Variants in RMDN1 observed in about 807,000 individuals in gnomAD.
RMDN1 encodes regulator of microtubule dynamics 1.
A neutral mutation model predicts 48.9 loss-of-function variants in RMDN1; 48 were observed. The observed-to-expected ratio is 0.98, with a 90% CI of 0.78 to 1.25. The LOEUF is 1.25. Among genes scored for constraint, RMDN1 ranks in the 50% most tolerant of loss-of-function variants. The probability of loss-of-function intolerance (pLI) is 0.00; values close to 1 mark genes in which losing one functional copy is unlikely to be tolerated. For synonymous variants in RMDN1, 148 were observed against 132.6 expected (o/e 1.12, Z -0.80); for missense variants, 418 against 373.4 (o/e 1.12, Z -0.98).
rs1024768427 is a variant in RMDN1, at chr8:86,473,200, G to C, written c.*1108C>G. 29 of 981,942 alleles carry C rather than the reference G, an allele frequency of 3.0e-5. No individual in the cohort carries two copies. The highest frequency in any genetic ancestry group is 3.4e-5 in the Non-Finnish European group (28 of 829,772). The allele number at this position is 981,942 out of a possible 1,614,324, so 60.8% of individuals were successfully genotyped here. The stretch of plus-strand genomic sequence containing the variant: ...GACAAACATATCCATACAGTTCATT[G>C]TAACATTACAATTCCCAAATCCTTT... On this transcript the variant is annotated 3_prime_UTR_variant, in exon 10 of 10. Coordinates refer to ENST00000406452, the MANE Select transcript of RMDN1 (RefSeq NM_016033.3).
At chr8:86,510,988 GTT>G (rs147566937), upstream of RMDN1, among the ~76,000 whole-genome samples, 40,160 of 151,696 alleles carry the variant, frequency 0.26, 6,205 homozygotes, top group East Asian at 0.53. Context: ...GTTGTTGTTT[GTT>G]TTTTGTTTTT....
Position 86,476,862 on chromosome 8 carries a change from AT to A in RMDN1, c.760+431del, listed in dbSNP as rs1013213484. Among the ~76,000 whole-genome samples the A allele has an allele frequency of 3.7e-4, 56 of 151,954 alleles. 2 individuals carry two copies. Among genetic ancestry groups the A allele is most frequent in the Admixed American group, 3.4e-3 (52 of 15,270 alleles). ...AGGTGTGTGCTACCACACCTGGCTA[AT>A]TTTTATTTTTATTTTTTGGTAGAGA... On this transcript the variant is annotated intron_variant, in intron 8 of 9. Transcript: ENST00000406452.
intron 2 of RMDN1, among the ~76,000 whole-genome samples, chr8:86,502,537 T>C (rs1818427486): frequency 6.6e-6 from 1 of 152,232 alleles, no homozygotes; most frequent in Non-Finnish European, 1.5e-5. Context: ...TGAGCCGCCA[T>C]GCCCAGCCAA....
At chr8:86,482,627 C>T (rs1373505698) in intron 5 of RMDN1, 17 of 770,204 alleles carry the variant, frequency 2.2e-5, no homozygotes, top group Middle Eastern at 2.8e-4. Flanking sequence ...AAGCCTCCCA[C>T]GAGGTATACT....
chr8:86,506,777 C>A (rs1212894040), intron 2 of RMDN1, among the ~76,000 whole-genome samples: 1 of 152,120 alleles, frequency 6.6e-6, no homozygotes, highest in African/African-American at 2.4e-5. Context: ...GAAAAGGTGA[C>A]CTTCTTCCAA....
chr8:86,469,429 T>TG (rs993912007), downstream of RMDN1, among the ~76,000 whole-genome samples: 43 of 151,864 alleles, frequency 2.8e-4, no homozygotes, highest in Non-Finnish European at 1.2e-4. Flanking sequence ...CATACCTGAG[T>TG]GGAAAACTCT....
At position 86,477,305 on chromosome 8, in the gene RMDN1, C is replaced by A; in HGVS notation, c.749G>T (p.Arg250Met). ...TYEKALGYFH[R>M]AEQVDPNFYS... The stretch of plus-strand genomic sequence containing the variant: ...CAAAAATACCTTACCTTGTTCTGCC[C>A]TGTGAAAGTAGCCTAAGGCCTGTCA... The change falls in exon 8 of 10, where the codon AGG becomes ATG. Residue 250 changes from arginine to methionine, a missense_variant. Transcript: ENST00000406452. 6.2e-7 allele frequency: 1 copy of A among 1,601,920 alleles called. No homozygotes were observed. Among genetic ancestry groups the A allele is most frequent in the Non-Finnish European group, 8.5e-7 (1 of 1,174,252 alleles).
intron 2 of RMDN1, chr8:86,494,924 A>C (rs1221469717): frequency 2.3e-6 from 1 of 438,902 alleles, no homozygotes; most frequent in Admixed American, 2.6e-5. Context: ...CAGTGAGCTG[A>C]GATCGCACCT....
chr8:86,477,643 C>T (rs555225183), intron 7 of RMDN1, among the ~76,000 whole-genome samples: 2 of 152,280 alleles, frequency 1.3e-5, no homozygotes, highest in South Asian at 2.1e-4. Flanking sequence ...TCTCTTAAAT[C>T]ATAACTAGTG....
At chr8:86,505,704 G>T (rs1819208723) in intron 2 of RMDN1, among the ~76,000 whole-genome samples, 1 of 152,184 alleles carries the variant, frequency 6.6e-6, no homozygotes, top group African/African-American at 2.4e-5. Context: ...GAGATTGGAG[G>T]GAGGTGTTTA....
intron 7 of RMDN1, chr8:86,477,578 A>C: frequency 2.9e-6 from 1 of 344,948 alleles, no homozygotes; most frequent in Non-Finnish European, 5.2e-6. Context: ...CCAAACTAAC[A>C]TCATGTGCAG....
At chr8:86,480,360 T>C in intron 5 of RMDN1, 28 bp from the exon 6 acceptor site, 2 of 1,336,644 alleles carry the variant, frequency 1.5e-6, no homozygotes, top group Admixed American at 2.2e-5. Context: ...AAATAAATCA[T>C]ATTTGTTTTC....
At chr8:86,481,376 A>G (rs1372875644) in intron 5 of RMDN1, among the ~76,000 whole-genome samples, 1 of 152,162 alleles carries the variant, frequency 6.6e-6, no homozygotes, top group Admixed American at 6.5e-5. Flanking sequence ...TTATGCTCTA[A>G]GCAACCTTTC....
Position 86,503,844 on chromosome 8 carries a change from C to A in RMDN1, c.247+3151G>T, listed in dbSNP as rs1029256208. 5.1e-6 allele frequency: 3 copies of A among 588,536 alleles called. No homozygotes were observed. In the African/African-American group the frequency reaches 5.6e-5, roughly 11 times the overall value. The allele number at this position is 588,536 out of a possible 1,614,324, so 36.5% of individuals were successfully genotyped here. ...AGACTCTTTATCAACCACTTTTTGA[C>A]AGGTGCAATTCAATGCTTATCGTCA... is the stretch of plus-strand genomic sequence containing the variant. On this transcript the variant is annotated intron_variant, in intron 2 of 9. Transcript: ENST00000406452.
Position 86,472,654 on chromosome 8 carries a change from CAT to C in RMDN1, c.*1652_*1653del, listed in dbSNP as rs1287700961. ...TTTTTTCACTGTATCAGTGGTGTGT[CAT>C]ATTTTTTTTTTTGCCATCCTTGTTC... On this transcript the variant is annotated 3_prime_UTR_variant, in exon 10 of 10. Coordinates refer to ENST00000406452, the MANE Select transcript of RMDN1 (RefSeq NM_016033.3). The C allele has an allele frequency of 3.6e-6, 2 of 558,504 alleles. No homozygotes were observed. Among genetic ancestry groups the C allele is most frequent in the Non-Finnish European group, 6.3e-6 (2 of 317,006 alleles). The allele number at this position is 558,504 out of a possible 1,614,324, so 34.6% of individuals were successfully genotyped here.
At chr8:86,509,078 G>C (rs377703027), upstream of RMDN1, among the ~76,000 whole-genome samples, 5 of 152,110 alleles carry the variant, frequency 3.3e-5, no homozygotes. Flanking sequence ...GGTCTTTTTT[G>C]GAAGTAAATA....
rs1819790708 is a variant in RMDN1 at position 86,508,551 on chromosome 8, G to A, written c.70C>T (p.Pro24Ser). The change falls in exon 1 of 10, where the codon CCT (proline) becomes TCT (serine). Residue 24 changes from proline to serine, a missense_variant. Coordinates refer to ENST00000406452, the MANE Select transcript of RMDN1 (RefSeq NM_016033.3). ...CCGCGGCTGCCCGAAGTCCCCGCAG[G>A]GAGACGAGACCCCGGGGCGGCTCCA... ...RRGAAPGSRL[P>S]AGTSGSRGHC... The A allele has an allele frequency of 1.3e-6, 2 of 1,593,980 alleles. No individual in the cohort carries two copies. The highest frequency in any genetic ancestry group is 2.3e-5 in the East Asian group (1 of 44,070).
chr8:86,512,733 T>C (rs547677207), upstream of RMDN1, among the ~76,000 whole-genome samples: 53 of 152,334 alleles, frequency 3.5e-4, no homozygotes, highest in Middle Eastern at 3.4e-3. Context: ...TAGTGTTTGT[T>C]GAATAAATGA....
chr8:86,479,695 G>A (rs1268790979), intron 6 of RMDN1, among the ~76,000 whole-genome samples: 2 of 152,070 alleles, frequency 1.3e-5, no homozygotes, highest in Admixed American at 1.3e-4. Context: ...AAAAGAGTTT[G>A]ATACAGGACA....
Sources: allele counts gnomAD v4.1 joint callset (sites outside exome capture counted in the v4.1 genomes callset), GRCh38; gene constraint gnomAD v4.1.1; transcripts MANE v1.5; gene names NCBI Gene and HGNC (gene_info 2026-07-23, HGNC 2026-07-21).